The following ACVRL1 variants were observed in gnomAD, a reference collection of about 807,000 sequenced individuals.
The protein encoded by ACVRL1 is activin receptor type-1-like.
A neutral mutation model predicts 51.9 loss-of-function variants in ACVRL1; 20 were observed. The ratio of observed to expected loss-of-function variants is 0.39; its 90% CI spans 0.27 to 0.56. The LOEUF is 0.56. Among genes scored for constraint, ACVRL1 ranks in the 20% least tolerant of loss-of-function variants. The pLI is 0.67. For synonymous variants in ACVRL1, 288 were observed against 280.9 expected (o/e 1.03, Z -0.25); for missense variants, 451 against 670.3 (o/e 0.67, Z 3.61).
In ACVRL1 at chr12:51,920,938, G is replaced by A. The variant is rs1940965477; in HGVS notation, c.*45G>A. The A allele has an allele frequency of 9.5e-6, 9 of 951,690 alleles. 2 individuals carry two copies. The highest frequency in any genetic ancestry group is 2.7e-5 in the East Asian group (1 of 36,496). 59.0% of individuals were successfully genotyped at this position (951,690 alleles called of 1,614,324 possible). On this transcript the variant is annotated 3_prime_UTR_variant, in exon 10 of 10. Transcript: ENST00000388922. ...TTTCTGCCTGCAGGGGGCTGGGGGG[G>A]TGGGGGGCAGTGGATGGTGCCCTAT...
At chr12:51,915,625 G>C in intron 7 of ACVRL1, 125 bp downstream of exon 7, 5 of 1,303,940 alleles carry the variant, frequency 3.8e-6, no homozygotes, top group Non-Finnish European at 4.1e-6. Context: ...TGTTGTTTCA[G>C]TTCTCCTCCG....
rs779958537 is a variant in ACVRL1, at chr12:51,914,617, G to GCCAGCAAAGCCA, written c.772+32_772+33insCCAGCAAAGCCA. 5.0e-6 allele frequency: 8 copies of GCCAGCAAAGCCA among 1,595,976 alleles called. No homozygotes were observed. In the South Asian group the frequency reaches 7.9e-5, roughly 16 times the overall value. On this transcript the variant is annotated intron_variant, in intron 6 of 9. Coordinates refer to ENST00000388922, the MANE Select transcript of ACVRL1 (RefSeq NM_000020.3). ...GGAGAGGCCAGCTGTGCCAGGCCTG[G>GCCAGCAAAGCCA]GGCTTTGCCCCCCTGCACTCAGGGC...
Position 51,915,513 on chromosome 12 carries a change from G to C in ACVRL1, c.1048+13G>C. 6.2e-7 allele frequency: 1 copy of C among 1,602,268 alleles called. No individual in the cohort carries two copies. Among genetic ancestry groups the C allele is most frequent in the Non-Finnish European group, 8.5e-7 (1 of 1,173,236 alleles). On this transcript the variant is annotated intron_variant, in intron 7 of 9. Coordinates refer to ENST00000388922, the MANE Select transcript of ACVRL1 (RefSeq NM_000020.3). The stretch of plus-strand genomic sequence containing the variant: ...ATCGCCGACCTGGGTGAGCCGGGCG[G>C]GGCAGGGGCGCGCCCTTCACAGGTG...
At chr12:51,915,165 G>C in intron 6 of ACVRL1, 60 bp from the exon 7 acceptor site, 3 of 1,583,474 alleles carry the variant, frequency 1.9e-6, no homozygotes, top group East Asian at 2.3e-5. Context: ...TGACCCTGAC[G>C]ACTCCAGCCT....
Position 51,915,325 on chromosome 12 carries a change from A to G in ACVRL1, c.873A>G (p.Arg291=), listed in dbSNP as rs1407965474. 1 of 1,614,028 alleles carries G rather than the reference A, an allele frequency of 6.2e-7. No individual in the cohort carries two copies. Among genetic ancestry groups the G allele is most frequent in the African/African-American group, 1.3e-5 (1 of 74,940 alleles). ...GCTCCCTCTACGACTTTCTGCAGAG[A>G]CAGACGCTGGAGCCCCATCTGGCTC... ...EHGSLYDFLQ[R]QTLEPHLALR... The change falls in exon 7 of 10, where the codon AGA becomes AGG. Residue 291 remains arginine, a synonymous_variant. Coordinates refer to ENST00000388922, the MANE Select transcript of ACVRL1 (RefSeq NM_000020.3).
intron 4 of ACVRL1, 35 bp from the exon 5 acceptor site, chr12:51,913,939 G>A (rs1940762858): frequency 2.5e-6 from 4 of 1,606,412 alleles, no homozygotes; most frequent in Non-Finnish European, 3.4e-6. Flanking sequence ...GTGGCTGGTT[G>A]TGGCAGCCTC....
At chr12:51,915,696 C>A in intron 7 of ACVRL1, 196 bp downstream of exon 7, 1 of 814,204 alleles carries the variant, frequency 1.2e-6, no homozygotes, top group Non-Finnish European at 1.9e-6. Context: ...ACCATACCAT[C>A]CTGGCTCCAG....
At chr12:51,913,914 A>T in intron 4 of ACVRL1, 60 bp from the exon 5 acceptor site, 4 of 1,592,922 alleles carry the variant, frequency 2.5e-6, no homozygotes, top group Non-Finnish European at 1.7e-6. Context: ...CAGGTCGAGG[A>T]TAGAGAAGGG....
intron 8 of ACVRL1, 65 bp downstream of exon 8, chr12:51,916,298 C>G: frequency 6.4e-7 from 1 of 1,557,092 alleles, no homozygotes; most frequent in South Asian, 1.2e-5. Context: ...GGGCTTCCAG[C>G]CATGGCCAGT....
At chr12:51,915,109 T>C in intron 6 of ACVRL1, 116 bp from the exon 7 acceptor site, 1 of 1,166,386 alleles carries the variant, frequency 8.6e-7, no homozygotes, top group East Asian at 2.5e-5. Flanking sequence ...CCCCCAGACC[T>C]AGCTTAGCAG....
chr12:51,912,161 C>T (rs1455926897), intron 1 of ACVRL1, among the ~76,000 whole-genome samples: 3 of 152,178 alleles, frequency 2.0e-5, no homozygotes, highest in Non-Finnish European at 1.5e-5. Context: ...GTGCTCCCTG[C>T]GGCTCTCCCA....
At chr12:51,912,984 T>C (rs1940725256) in intron 2 of ACVRL1, 115 bp from the exon 3 acceptor site, 1 of 1,435,794 alleles carries the variant, frequency 7.0e-7, no homozygotes, top group Admixed American at 2.0e-5. Context: ...AGACCAAAGC[T>C]TCAAGGTGTT....
Position 51,916,080 on chromosome 12 carries a change from G to A in ACVRL1, c.1093G>A (p.Gly365Ser), listed in dbSNP as rs749510030. The A allele has an allele frequency of 9.3e-6, 15 of 1,612,982 alleles. No homozygotes were observed. Among genetic ancestry groups the A allele is most frequent in the Middle Eastern group, 3.3e-4 (2 of 6,078 alleles). Reference sequence around the variant, plus strand: ...ACAGGGCAGCGATTACCTGGACATCGGCAACAACCCGAGAGTGGGCACCAA... The same window carrying A: ...ACAGGGCAGCGATTACCTGGACATCAGCAACAACCCGAGAGTGGGCACCAA... ...HSQGSDYLDI[G>S]NNPRVGTKRY... Residue 365 changes from glycine to serine, a missense_variant, in exon 8 of 10, where the codon GGC becomes AGC. Physicochemically the swap from Gly to Ser is moderately conservative, Grantham distance 56. Around this residue, in one of 2 missense-constraint regions of ACVRL1, gnomAD observed 259 missense variants for 453.4 expected, o/e 0.57. Transcript: ENST00000388922.
intron 7 of ACVRL1, 149 bp from the exon 8 acceptor site, chr12:51,915,887 C>CT: frequency 1.2e-6 from 1 of 829,372 alleles, no homozygotes; most frequent in Non-Finnish European, 1.8e-6. Flanking sequence ...ATGGTTCTCT[C>CT]TGTGGCCACT....
At chr12:51,916,397 T>G (rs1268920804) in intron 8 of ACVRL1, among the ~76,000 whole-genome samples, 164 bp downstream of exon 8, 2 of 152,192 alleles carry the variant, frequency 1.3e-5, no homozygotes, top group African/African-American at 2.4e-5. Context: ...CCTTTTAAGG[T>G]ATAAACCTTA....
At chr12:51,911,748 C>G (rs1214709181) in intron 1 of ACVRL1, among the ~76,000 whole-genome samples, 4 of 152,202 alleles carry the variant, frequency 2.6e-5, no homozygotes, top group Non-Finnish European at 5.9e-5. Context: ...AAACAAGGAG[C>G]TGGATTTTGT....
rs1940739463 is a variant in ACVRL1, at chr12:51,913,294, AC to A, written c.259del (p.His87ThrfsTer35). 6.2e-7 allele frequency: 1 copy of A among 1,610,124 alleles called. No individual in the cohort carries two copies. The highest frequency in any genetic ancestry group is 8.5e-7 in the Non-Finnish European group (1 of 1,178,628). On this transcript the variant is annotated frameshift_variant, in exon 3 of 10. Coordinates refer to ENST00000388922, the MANE Select transcript of ACVRL1 (RefSeq NM_000020.3). LOFTEE classifies it high-confidence loss of function. ...LCRGRPTEFV[N>X]HYCCDSHLCN... ...AGGGGGCGCCCCACCGAGTTCGTCAACCACTACTGCTGCGACAGCCACCTCT... is the reference window on the plus strand; with the variant it reads ...AGGGGGCGCCCCACCGAGTTCGTCAACACTACTGCTGCGACAGCCACCTCT...
intron 6 of ACVRL1, among the ~76,000 whole-genome samples, chr12:51,914,923 T>G (rs1303612097): frequency 1.3e-5 from 2 of 152,042 alleles, no homozygotes; most frequent in African/African-American, 4.8e-5. Flanking sequence ...TTTTTATTTT[T>G]TGTAGAGACG....
chr12:51,912,523 T>C lies in ACVRL1; in HGVS notation c.49T>C (p.Leu17=), dbSNP rs949831985. The change falls in exon 2 of 10, where the codon TTG becomes CTG. Residue 17 remains leucine, a synonymous_variant. Coordinates refer to ENST00000388922, the MANE Select transcript of ACVRL1 (RefSeq NM_000020.3). The part of the protein sequence containing the change: ...RKGLLMLLMA[L]VTQGDPVKPS... ...AGGCCTTCTGATGCTGCTGATGGCC[T>C]TGGTGACCCAGGGTGAGTACTGGGG... 3.1e-6 allele frequency: 5 copies of C among 1,613,686 alleles called. No individual in the cohort carries two copies. Among genetic ancestry groups the C allele is most frequent in the Admixed American group, 1.7e-5 (1 of 59,996 alleles).
Sources: allele counts gnomAD v4.1 joint callset (sites outside exome capture counted in the v4.1 genomes callset), GRCh38; gene constraint gnomAD v4.1.1; regional missense constraint gnomAD v4.1.1; transcripts MANE v1.5; gene names NCBI Gene and HGNC (gene_info 2026-07-23, HGNC 2026-07-21).